AGMO: variants seen among roughly 807,000 people sequenced by gnomAD.
AGMO encodes glyceryl-ether monooxygenase.
A neutral mutation model predicts 60.2 loss-of-function variants in AGMO; 75 were observed. That is an observed-to-expected ratio of 1.25 (90% CI 1.03 to 1.51). The LOEUF (loss-of-function observed/expected upper bound fraction) is 1.51, where lower values mean the gene tolerates loss of function less well. AGMO is among the 40% of genes most tolerant of loss of function. The pLI is 0.00. For synonymous variants in AGMO, 261 were observed against 177.1 expected (o/e 1.47, Z -3.76); for missense variants, 763 against 525.5 (o/e 1.45, Z -4.42).
chr7:15,356,586 G>C (rs1782538109), intron 12 of AGMO, among the ~76,000 whole-genome samples: 2 of 151,846 alleles, frequency 1.3e-5, no homozygotes, highest in African/African-American at 4.8e-5. Flanking sequence ...CAAAATAACT[G>C]TTCTATCTGT....
At chr7:15,397,433 A>G (rs1784437378) in intron 5 of AGMO, among the ~76,000 whole-genome samples, 1 of 152,044 alleles carries the variant, frequency 6.6e-6, no homozygotes, top group Admixed American at 6.6e-5. Flanking sequence ...GGCCTCGGCC[A>G]GCCCCACAGA....
At chr7:15,407,279 ATT>A (rs1784732167) in intron 5 of AGMO, among the ~76,000 whole-genome samples, 1 of 146,372 alleles carries the variant, frequency 6.8e-6, no homozygotes, top group Non-Finnish European at 1.5e-5. Context: ...ACTCCATTAT[ATT>A]TATATAAACA....
the AGMO span, among the ~76,000 whole-genome samples, chr7:15,131,816 C>T: frequency 1.3e-5 from 2 of 151,466 alleles, no homozygotes; most frequent in African/African-American, 4.9e-5. Context: ...ATTCCTGGCA[C>T]ACATGGAAGC....
intron 10 of AGMO, among the ~76,000 whole-genome samples, chr7:15,374,434 C>CA (rs1276156646): frequency 2.6e-5 from 4 of 151,820 alleles, no homozygotes; most frequent in Non-Finnish European, 5.9e-5. Context: ...TCAGTTTCTA[C>CA]AAAAAATTGT....
At chr7:15,385,978 C>A (rs1351422859) in intron 9 of AGMO, among the ~76,000 whole-genome samples, 1 of 151,884 alleles carries the variant, frequency 6.6e-6, no homozygotes, top group African/African-American at 2.4e-5. Flanking sequence ...GTCAAGAGTT[C>A]GTGACCAGCC....
At chr7:15,239,281 C>T (rs556765819) in intron 12 of AGMO, among the ~76,000 whole-genome samples, 2 of 151,968 alleles carry the variant, frequency 1.3e-5, no homozygotes, top group Non-Finnish European at 2.9e-5. Context: ...TCCATAGGAA[C>T]GTTTAGATAA....
At chr7:15,264,567 G>C (rs1007814412) in intron 12 of AGMO, among the ~76,000 whole-genome samples, 18 of 151,738 alleles carry the variant, frequency 1.2e-4, no homozygotes, top group African/African-American at 4.1e-4. Flanking sequence ...AATCTACAAG[G>C]AACTTAAACA....
At chr7:15,462,439 C>T (rs1467282323) in intron 3 of AGMO, among the ~76,000 whole-genome samples, 4 of 151,958 alleles carry the variant, frequency 2.6e-5, no homozygotes, top group African/African-American at 4.8e-5. Context: ...TTTTCCCTGT[C>T]GTACACAACA....
chr7:15,551,768 C>T (rs1784967143), intron 2 of AGMO, among the ~76,000 whole-genome samples: 1 of 151,462 alleles, frequency 6.6e-6, no homozygotes, highest in African/African-American at 2.4e-5. Flanking sequence ...GATTCAATGC[C>T]ATCCCCATAA....
chr7:15,133,615 T>A, the AGMO span, among the ~76,000 whole-genome samples: 3 of 152,028 alleles, frequency 2.0e-5, no homozygotes, highest in Admixed American at 1.3e-4. Flanking sequence ...GAGCTAGGAT[T>A]TTTTTTTGAA....
At chr7:15,195,549 C>T (rs1392430306), downstream of AGMO, among the ~76,000 whole-genome samples, 1 of 152,224 alleles carries the variant, frequency 6.6e-6, no homozygotes, top group East Asian at 1.9e-4. Context: ...GCCATGTTGT[C>T]TGCTCCTTAC....
intron 12 of AGMO, among the ~76,000 whole-genome samples, chr7:15,221,299 T>C (rs969488296): frequency 6.6e-6 from 1 of 152,168 alleles, no homozygotes; most frequent in Non-Finnish European, 1.5e-5. Context: ...GGCTGAGCTC[T>C]TGTAAGTCAT....
At chr7:15,498,203 A>G (rs1205508027) in intron 3 of AGMO, among the ~76,000 whole-genome samples, 1 of 152,062 alleles carries the variant, frequency 6.6e-6, no homozygotes, top group East Asian at 1.9e-4. Flanking sequence ...TTCAAAAGAA[A>G]TTATTACAAT....
chr7:15,225,649 C>A (rs867923975), intron 12 of AGMO, among the ~76,000 whole-genome samples: 1 of 151,766 alleles, frequency 6.6e-6, no homozygotes, highest in South Asian at 2.1e-4. Context: ...TTTTTTATAG[C>A]TGTTAATATT....
chr7:15,201,848 T>C (rs1271044396), intron 12 of AGMO, among the ~76,000 whole-genome samples: 3 of 152,186 alleles, frequency 2.0e-5, no homozygotes, highest in African/African-American at 7.2e-5. Flanking sequence ...ATGATTTACC[T>C]CCTCAGTCTT....
intron 12 of AGMO, among the ~76,000 whole-genome samples, chr7:15,223,376 G>T (rs1781980989): frequency 6.6e-6 from 1 of 151,728 alleles, no homozygotes; most frequent in Non-Finnish European, 1.5e-5. Context: ...GCATTATATT[G>T]AAATGCTCCT....
At chr7:15,167,833 A>G in the AGMO span, among the ~76,000 whole-genome samples, 2 of 152,240 alleles carry the variant, frequency 1.3e-5, no homozygotes, top group Non-Finnish European at 2.9e-5. Flanking sequence ...AGTGTGATTT[A>G]ATTTTAAATG....
intron 2 of AGMO, among the ~76,000 whole-genome samples, chr7:15,547,177 C>G (rs1026458492): frequency 6.6e-6 from 1 of 150,378 alleles, no homozygotes; most frequent in South Asian, 2.1e-4. Flanking sequence ...AGATTTAGGA[C>G]CCTTCCTTCT....
At chr7:15,334,525 T>C (rs984001287) in intron 12 of AGMO, among the ~76,000 whole-genome samples, 1 of 152,146 alleles carries the variant, frequency 6.6e-6, no homozygotes, top group African/African-American at 2.4e-5. Flanking sequence ...GATTATTTCT[T>C]CATCAGAATA....
Sources: allele counts gnomAD v4.1 joint callset (sites outside exome capture counted in the v4.1 genomes callset), GRCh38; gene constraint gnomAD v4.1.1; transcripts MANE v1.5; gene names NCBI Gene and HGNC (gene_info 2026-07-23, HGNC 2026-07-21).